Variants in USP11 observed in about 807,000 individuals in gnomAD.
USP11 encodes ubiquitin specific peptidase 11.
In USP11, 5 loss-of-function variants were observed where a neutral mutation model predicts 72.8. That is an observed-to-expected ratio of 0.07 (90% CI 0.04 to 0.14). USP11 has a LOEUF of 0.14. USP11 is among the 10% of genes least tolerant of loss of function. The pLI, the probability that USP11 is intolerant of heterozygous loss-of-function variation, is 1.00. For missense variants in USP11, 480 were observed against 794.7 expected (o/e 0.60, Z 4.76); for synonymous variants, 368 against 326.5 (o/e 1.13, Z -1.37).
In USP11 at chrX:47,235,337, C is replaced by T. The variant is rs923209542; in HGVS notation, c.176+2118C>T. 4.5e-5 allele frequency among the ~76,000 whole-genome samples: 5 copies of T among 112,354 alleles called. No individual in the cohort carries two copies. The South Asian group carries it at 1.8e-3, about 41-fold the overall frequency. ...CGCATCGGGTAATACATGGTATCCA[C>T]ATGGCATCATTGGTGATGTTAACCT... On this transcript the variant is annotated intron_variant, in intron 1 of 20. Coordinates refer to ENST00000377107, the MANE Select transcript of USP11 (RefSeq NM_001371072.1).
intron 3 of USP11, 36 bp downstream of exon 3, chrX:47,239,517 C>T (rs1160899245): frequency 4.1e-6 from 5 of 1,206,117 alleles, no homozygotes; most frequent in African/African-American, 1.7e-5. Context: ...GCGGGGAGTG[C>T]GTAGTAAGAA....
At chrX:47,233,788 G>A (rs2055358391) in intron 1 of USP11, 1 of 42,940 alleles carries the variant, frequency 2.3e-5, no homozygotes, top group African/African-American at 4.4e-5. Flanking sequence ...TGAGGCCGAG[G>A]GACGACAGTG....
At chrX:47,246,916 G>A (rs1183458172) in intron 17 of USP11, among the ~76,000 whole-genome samples, 156 bp from the exon 18 acceptor site, 3 of 110,032 alleles carry the variant, frequency 2.7e-5, no homozygotes, top group Non-Finnish European at 5.7e-5. Flanking sequence ...AGCTACTCGG[G>A]AGGCTGAGGC....
intron 17 of USP11, 103 bp from the exon 18 acceptor site, chrX:47,246,969 C>T (rs778086585): frequency 1.6e-4 from 168 of 1,032,308 alleles, no homozygotes; most frequent in South Asian, 5.1e-4. Context: ...TGCAGTGATC[C>T]GAGATCGCGC....
intron 20 of USP11, 45 bp downstream of exon 20, chrX:47,247,744 C>T: frequency 2.5e-6 from 3 of 1,209,309 alleles, no homozygotes; most frequent in South Asian, 3.5e-5. Flanking sequence ...TTTCTGATTC[C>T]ACCTCCCCAC....
chrX:47,242,918 C>G (rs1337732226), intron 12 of USP11, among the ~76,000 whole-genome samples, 198 bp downstream of exon 12: 1 of 111,562 alleles, frequency 9.0e-6, no homozygotes, highest in Non-Finnish European at 1.9e-5. Flanking sequence ...TCAAGTGAGC[C>G]AAGATCACGC....
chrX:47,243,559 T>G lies in USP11; in HGVS notation c.1747T>G (p.Phe583Val), dbSNP rs1183487137. Residue 583 changes from phenylalanine (F) to valine (V), a missense_variant, in exon 13 of 21, where the codon TTC becomes GTC. Physicochemically the swap from Phe to Val is conservative, Grantham distance 50. Coordinates refer to ENST00000377107, the MANE Select transcript of USP11 (RefSeq NM_001371072.1). ...PLLVSVPRDR[F>V]TWEGLYNVLM... ...CCTGGTATCAGTGCCCCGGGACCGC[T>G]TCACCTGGGAGGGCCTGTATAACGT... The G allele has an allele frequency of 8.3e-7, 1 of 1,211,714 alleles. No homozygotes were observed. The highest frequency in any genetic ancestry group is 1.1e-6 in the Non-Finnish European group (1 of 895,480).
At chrX:47,246,411 C>G (rs181935368) in intron 17 of USP11, among the ~76,000 whole-genome samples, 13 of 111,605 alleles carry the variant, frequency 1.2e-4, no homozygotes, top group African/African-American at 3.9e-4. Context: ...AAAATAGTTC[C>G]AAAGGGTTAA....
In USP11 at chrX:47,243,573, C is replaced by T; in HGVS notation, c.1761C>T (p.Gly587=). Residue 587 remains glycine, a synonymous_variant, in exon 13 of 21, where the codon GGC becomes GGT. Transcript: ENST00000377107. ...SVPRDRFTWE[G]LYNVLMYRLS... is the part of the protein sequence containing the mutation. ...CCCGGGACCGCTTCACCTGGGAGGG[C>T]CTGTATAACGTCCTGATGTACCGGC... 8.3e-7 allele frequency: 1 copy of T among 1,211,915 alleles called. No homozygotes were observed.
In USP11 at chrX:47,244,765, C is replaced by T. The variant is rs1304271469; in HGVS notation, c.1927C>T (p.Pro643Ser). Residue 643 changes from proline (P) to serine (S), a missense_variant, in exon 15 of 21, where the codon CCC becomes TCC. Around this residue, in one of 5 missense-constraint regions of USP11, gnomAD observed 314 missense variants for 556.0 expected, o/e 0.56. Transcript: ENST00000377107. Reference sequence around the variant, plus strand: ...AGACCCTGAGCCAGAGCAGGCTGGGCCCAGCTCTGGAGTCACGAACAGGTG... The same window carrying T: ...AGACCCTGAGCCAGAGCAGGCTGGGTCCAGCTCTGGAGTCACGAACAGGTG... ...LRDPEPEQAGPSSGVTNRCPF... is the reference protein window; with the variant it reads ...LRDPEPEQAGSSSGVTNRCPF... The T allele has an allele frequency of 2.5e-6, 3 of 1,210,018 alleles. No homozygotes were observed. Among genetic ancestry groups the T allele is most frequent in the East Asian group, 3.0e-5 (1 of 33,755 alleles).
intron 1 of USP11, chrX:47,233,466 G>A: frequency 2.9e-6 from 3 of 1,024,238 alleles, no homozygotes; most frequent in Non-Finnish European, 3.7e-6. Flanking sequence ...GTTGTGATGA[G>A]ACCAGTTTCG....
At chrX:47,240,727 C>T in intron 6 of USP11, 47 bp from the exon 7 acceptor site, 1 of 1,203,958 alleles carries the variant, frequency 8.3e-7, no homozygotes, top group South Asian at 1.8e-5. Context: ...GCACATTGCA[C>T]CCCCATGCAG....
chrX:47,247,138 G>A lies in USP11; in HGVS notation c.2337G>A (p.Glu779=). Residue 779 remains glutamate (E), a synonymous_variant, in exon 18 of 21, where the codon GAG becomes GAA. Transcript: ENST00000377107. ...TKKLDLWMLP[E]ILIIHLKRFS... ...AGCTGGACCTGTGGATGCTGCCGGA[G>A]ATTCTCATCATCCACCTGAAACGCT... The A allele has an allele frequency of 8.3e-7, 1 of 1,211,753 alleles. No individual in the cohort carries two copies.
At position 47,242,655 on chromosome X, in the gene USP11, C is replaced by A; in HGVS notation, c.1518C>A (p.Arg506=). 3.3e-6 allele frequency: 4 copies of A among 1,211,087 alleles called. No homozygotes were observed. Among genetic ancestry groups the A allele is most frequent in the Non-Finnish European group, 4.5e-6 (4 of 894,800 alleles). ...TGGTGGCTGATGTCTTCAGTCACCGCTTCTATAAGCTCTATCAGCTAGAGG... is the reference window on the plus strand; with the variant it reads ...TGGTGGCTGATGTCTTCAGTCACCGATTCTATAAGCTCTATCAGCTAGAGG... ...RMMVADVFSH[R]FYKLYQLEEP... Residue 506 remains arginine, a synonymous_variant, in exon 12 of 21, where the codon CGC becomes CGA. Coordinates refer to ENST00000377107, the MANE Select transcript of USP11 (RefSeq NM_001371072.1).
intron 1 of USP11, 112 bp downstream of exon 1, chrX:47,233,331 G>A: frequency 1.9e-6 from 2 of 1,073,978 alleles, no homozygotes; most frequent in Non-Finnish European, 2.4e-6. Context: ...GTGCGGGGGC[G>A]GGGGAGTGGC....
intron 1 of USP11, among the ~76,000 whole-genome samples, chrX:47,234,856 T>C (rs769919439): frequency 1.8e-5 from 2 of 111,927 alleles, no homozygotes; most frequent in South Asian, 7.4e-4. Flanking sequence ...ACTCTAAATA[T>C]ATGCAATTTT....
intron 7 of USP11, 148 bp downstream of exon 7, chrX:47,241,024 A>C: frequency 1.6e-6 from 1 of 607,122 alleles, no homozygotes; most frequent in Non-Finnish European, 2.5e-6. Context: ...TGGCACGCCC[A>C]CGTTCATTCC....
rs2055444669 is a variant in USP11 at position 47,247,897 on chromosome X, C to G, written c.2730C>G (p.Ser910=). Residue 910 remains serine, a synonymous_variant, in exon 21 of 21, where the codon TCC becomes TCG. Transcript: ENST00000377107. ...SGAPASPACS[S]PPSSEFMDVN ...CCCCAGCCTCCCCTGCCTGCAGCTC[C>G]CCACCCAGCTCTGAGTTCATGGATG... 2 of 1,198,798 alleles carry G rather than the reference C, an allele frequency of 1.7e-6. No individual in the cohort carries two copies. Among genetic ancestry groups the G allele is most frequent in the Non-Finnish European group, 2.2e-6 (2 of 891,975 alleles).
At chrX:47,244,368 C>G (rs1240008220) in intron 13 of USP11, 130 bp from the exon 14 acceptor site, 10 of 764,409 alleles carry the variant, frequency 1.3e-5, no homozygotes, top group East Asian at 1.0e-4. Flanking sequence ...CTTCAGCCCT[C>G]TCACACCTCA....
Sources: gnomAD v4.1 joint callset for allele counts (sites outside exome capture counted in the v4.1 genomes callset) on GRCh38, gnomAD v4.1.1 for gene constraint, gnomAD v4.1.1 regional missense constraint, MANE v1.5 for transcripts, NCBI Gene and HGNC (gene_info 2026-07-23, HGNC 2026-07-21) for gene names.